Variants in UNC5D observed in about 807,000 individuals in gnomAD.
UNC5D encodes the protein netrin receptor UNC5D.
A neutral mutation model predicts 105.4 loss-of-function variants in UNC5D; 39 were observed. The ratio of observed to expected loss-of-function variants is 0.37; its 90% CI spans 0.29 to 0.48. UNC5D has a LOEUF of 0.48. Among genes scored for constraint, UNC5D ranks in the 20% least tolerant of loss-of-function variants. UNC5D has a pLI of 0.98. For missense variants in UNC5D, 991 were observed against 1,202.4 expected (o/e 0.82, Z 2.60); for synonymous variants, 452 against 450.4 (o/e 1.00, Z -0.04).
At chr8:35,330,731 G>A (rs1429326556) in intron 1 of UNC5D, among the ~76,000 whole-genome samples, 1 of 152,212 alleles carries the variant, frequency 6.6e-6, no homozygotes, top group Non-Finnish European at 1.5e-5. Flanking sequence ...GAGTGGCATA[G>A]CTGGGGGCTG....
chr8:35,636,448 C>G (rs982725333), intron 4 of UNC5D, among the ~76,000 whole-genome samples: 5 of 152,186 alleles, frequency 3.3e-5, no homozygotes, highest in African/African-American at 1.2e-4. Flanking sequence ...CACTGGGTGC[C>G]TGTAGAACTC....
intron 1 of UNC5D, among the ~76,000 whole-genome samples, chr8:35,486,632 T>C (rs1810841472): frequency 6.6e-6 from 1 of 152,180 alleles, no homozygotes; most frequent in Non-Finnish European, 1.5e-5. Flanking sequence ...TGTCTATGAT[T>C]TGTCACGAGG....
At chr8:35,464,962 A>G (rs1185872284) in intron 1 of UNC5D, among the ~76,000 whole-genome samples, 1 of 152,174 alleles carries the variant, frequency 6.6e-6, no homozygotes, top group African/African-American at 2.4e-5. Flanking sequence ...TGCAATCCCC[A>G]TATGAGTTCT....
chr8:35,573,632 T>C (rs768902872), intron 3 of UNC5D, among the ~76,000 whole-genome samples: 5 of 152,198 alleles, frequency 3.3e-5, no homozygotes, highest in Non-Finnish European at 7.4e-5. Context: ...AAAAAGTTCA[T>C]GTACATTTGA....
At chr8:35,772,801 C>CT (rs5890830) in intron 15 of UNC5D, among the ~76,000 whole-genome samples, 1 of 145,114 alleles carries the variant, frequency 6.9e-6, no homozygotes, top group Admixed American at 6.9e-5. Context: ...GCTCAGAGTC[C>CT]TTTTTTTTTT....
chr8:35,559,974 A>AT (rs201934799), intron 2 of UNC5D, among the ~76,000 whole-genome samples: 2,866 of 152,338 alleles, frequency 0.019, 62 homozygotes, highest in Non-Finnish European at 0.024. Flanking sequence ...TGTTTAGTAC[A>AT]TGCAGAGCAA....
chr8:35,718,739 C>A (rs972819432), intron 8 of UNC5D, among the ~76,000 whole-genome samples: 1 of 152,110 alleles, frequency 6.6e-6, no homozygotes, highest in African/African-American at 2.4e-5. Context: ...GACAGGATCA[C>A]CTTCATGGGA....
intron 1 of UNC5D, among the ~76,000 whole-genome samples, chr8:35,516,605 T>G (rs1813112486): frequency 6.6e-6 from 1 of 152,190 alleles, no homozygotes; most frequent in Non-Finnish European, 1.5e-5. Flanking sequence ...AAAAAACTGA[T>G]AGTAAATTTT....
intron 1 of UNC5D, among the ~76,000 whole-genome samples, chr8:35,357,581 A>G (rs1801633070): frequency 6.6e-6 from 1 of 152,130 alleles, no homozygotes; most frequent in African/African-American, 2.4e-5. Context: ...GATGTATTGA[A>G]TATTACTGTG....
In UNC5D at chr8:35,790,892, T is replaced by C. The variant is rs999593627; in HGVS notation, c.*329T>C. ...TATGATAATGCTGGGAAGGCAGAGA[T>C]TGATTAAGTGCATGCTTTGAAATAG... On this transcript the variant is annotated 3_prime_UTR_variant, in exon 17 of 17. Transcript: ENST00000404895. 19 of 343,640 alleles carry C rather than the reference T, an allele frequency of 5.5e-5. No homozygotes were observed. Among genetic ancestry groups the C allele is most frequent in the Admixed American group, 2.5e-4 (6 of 24,108 alleles). The allele number at this position is 343,640 out of a possible 1,614,324, so 21.3% of individuals were successfully genotyped here.
intron 1 of UNC5D, among the ~76,000 whole-genome samples, chr8:35,237,118 GAT>G (rs1012792560): frequency 4.7e-5 from 7 of 149,046 alleles, no homozygotes; most frequent in African/African-American, 1.7e-4. Flanking sequence ...TTAAGAGGTT[GAT>G]AGAGGCTCTC....
intron 1 of UNC5D, among the ~76,000 whole-genome samples, chr8:35,547,360 A>C (rs1262206450): frequency 6.7e-6 from 1 of 148,438 alleles, no homozygotes; most frequent in African/African-American, 2.5e-5. Flanking sequence ...GTGCAGTAGC[A>C]TGACCTTGGC....
intron 1 of UNC5D, among the ~76,000 whole-genome samples, chr8:35,238,277 A>G (rs1350138992): frequency 6.6e-6 from 1 of 152,024 alleles, no homozygotes; most frequent in Admixed American, 6.6e-5. Context: ...TTATGTAGAA[A>G]CCTCTGCAAA....
intron 1 of UNC5D, among the ~76,000 whole-genome samples, chr8:35,275,517 T>C (rs1805715169): frequency 6.6e-6 from 1 of 152,218 alleles, no homozygotes; most frequent in Non-Finnish European, 1.5e-5. Flanking sequence ...TTTATTCATT[T>C]TCTTAGTTAT....
intron 1 of UNC5D, among the ~76,000 whole-genome samples, chr8:35,344,910 A>G (rs1170882425): frequency 6.6e-6 from 1 of 152,020 alleles, no homozygotes; most frequent in African/African-American, 2.4e-5. Flanking sequence ...AGTGTTTAAT[A>G]CCCTAGATAA....
intron 1 of UNC5D, among the ~76,000 whole-genome samples, chr8:35,406,833 C>T (rs940052784): frequency 6.6e-6 from 1 of 152,012 alleles, no homozygotes; most frequent in Non-Finnish European, 1.5e-5. Flanking sequence ...GTTTTGTTTT[C>T]CAGTTTTATG....
chr8:35,734,543 T>A (rs1226691501), intron 11 of UNC5D, among the ~76,000 whole-genome samples: 1 of 151,810 alleles, frequency 6.6e-6, no homozygotes, highest in Non-Finnish European at 1.5e-5. Flanking sequence ...ACCTAGTAGC[T>A]GGGATTGCAG....
rs145686561 is a variant in UNC5D at position 35,725,998 on chromosome 8, A to G, written c.1304-154A>G. On this transcript the variant is annotated intron_variant, in intron 9 of 16. Coordinates refer to ENST00000404895, the MANE Select transcript of UNC5D (RefSeq NM_080872.4). ...TCTTGATTCAAAAGTTCTAGTCACT[A>G]GCACCCAACCTGGCAGGGTGGTCCT... Among the ~76,000 whole-genome samples the G allele has an allele frequency of 8.2e-3, 1,245 of 152,324 alleles. 9 individuals are homozygous for G. The highest frequency in any genetic ancestry group is 0.013 in the Non-Finnish European group (894 of 68,030).
intron 10 of UNC5D, among the ~76,000 whole-genome samples, chr8:35,728,100 A>C: frequency 7.2e-6 from 1 of 139,820 alleles, no homozygotes; most frequent in East Asian, 2.0e-4. Context: ...AAAAAAATAT[A>C]TATATATATA....
Sources: gnomAD v4.1 joint callset for allele counts (sites outside exome capture counted in the v4.1 genomes callset) on GRCh38, gnomAD v4.1.1 for gene constraint, MANE v1.5 for transcripts, NCBI Gene and HGNC (gene_info 2026-07-23, HGNC 2026-07-21) for gene names.